Variants in H2BC5 observed in about 807,000 individuals in gnomAD.
H2BC5 encodes the protein histone H2B type 1-D.
A neutral mutation model predicts 5.7 loss-of-function variants in H2BC5; 9 were observed. That is an observed-to-expected ratio of 1.57 (90% CI 0.95 to 2.74). The LOEUF is 2.74. Ranked by LOEUF, H2BC5 falls within the 30% of genes most tolerant of loss-of-function variation. H2BC5 has a pLI of 0.00. For synonymous variants in H2BC5, 133 were observed against 70.9 expected, an observed-to-expected ratio of 1.88 and a Z score of -4.40; for missense variants, 175 against 168.8, an observed-to-expected ratio of 1.04 and a Z score of -0.20.
Position 26,158,583 on chromosome 6 carries a change from C to T in H2BC5, c.*33C>T, listed in dbSNP as rs756498250. The T allele has an allele frequency of 4.2e-5, 68 of 1,604,866 alleles. No homozygotes were observed. The highest frequency in any genetic ancestry group is 5.7e-5 in the Non-Finnish European group (67 of 1,176,294). The stretch of plus-strand genomic sequence containing the variant: ...AAGTAAGCATCTTTACACCTAATCC[C>T]AAAGGCTCTTTTAAGAGCCACGCAT... On this transcript the variant is annotated 3_prime_UTR_variant, in exon 1 of 1. Coordinates refer to ENST00000377777, the MANE Select transcript of H2BC5 (RefSeq NM_021063.4).
exon 2 of H2BC5, chr6:26,171,002 T>C (rs1372019644): frequency 6.6e-6 from 1 of 152,110 alleles, no homozygotes; most frequent in African/African-American, 2.4e-5. Context: ...AGAGGAGAAA[T>C]GAATGCATAA....
intron 1 of H2BC5, among the ~76,000 whole-genome samples, chr6:26,170,210 A>G (rs1764497312): frequency 6.6e-6 from 1 of 152,182 alleles, no homozygotes; most frequent in Non-Finnish European, 1.5e-5. Flanking sequence ...AACTTGCTGT[A>G]TGCATTCCTC....
At chr6:26,167,990 A>C (rs1300961261) in intron 1 of H2BC5, among the ~76,000 whole-genome samples, 2 of 150,568 alleles carry the variant, frequency 1.3e-5, no homozygotes, top group African/African-American at 4.9e-5. Context: ...TTAAAAGGAC[A>C]AAAAAAAAGC....
Position 26,158,377 on chromosome 6 carries a change from A to G in H2BC5, c.208A>G (p.Ile70Val), listed in dbSNP as rs768212529. ...MGIMNSFVNDIFERIAGEASR... is the reference protein window; with the variant it reads ...MGIMNSFVNDVFERIAGEASR... ...GATCATGAATTCCTTCGTCAACGAC[A>G]TCTTCGAGCGCATCGCAGGCGAGGC... The change falls in exon 1 of 1, where the codon ATC becomes GTC. Residue 70 changes from isoleucine (I) to valine (V), a missense_variant. Coordinates refer to ENST00000377777, the MANE Select transcript of H2BC5 (RefSeq NM_021063.4). 6.2e-7 allele frequency: 1 copy of G among 1,614,286 alleles called. No homozygotes were observed.
downstream of H2BC5, chr6:26,163,225 T>A (rs904350688): frequency 2.0e-5 from 3 of 151,964 alleles, no homozygotes; most frequent in African/African-American, 7.3e-5. Context: ...ACGATTCTCC[T>A]ACCTCAGCCT....
downstream of H2BC5, chr6:26,163,418 T>A (rs1764378316): frequency 1.3e-5 from 2 of 152,196 alleles, no homozygotes; most frequent in South Asian, 4.1e-4. Context: ...CCAAAACTAA[T>A]TTCTGTGAGT....
At chr6:26,170,907 A>G (rs1764506414) in intron 1 of H2BC5, 2 of 152,246 alleles carry the variant, frequency 1.3e-5, no homozygotes, top group South Asian at 2.1e-4. Context: ...TCCTCTTTGT[A>G]TAGAAAATAT....
chr6:26,158,816 G>C (rs1764291027), downstream of H2BC5, among the ~76,000 whole-genome samples: 1 of 152,164 alleles, frequency 6.6e-6, no homozygotes, highest in African/African-American at 2.4e-5. Context: ...AGCATAAACT[G>C]AAAGTATTGT....
At chr6:26,163,857 C>A (rs1367568396) in intron 1 of H2BC5, among the ~76,000 whole-genome samples, 1 of 152,124 alleles carries the variant, frequency 6.6e-6, no homozygotes, top group Non-Finnish European at 1.5e-5. Flanking sequence ...TAGCTTACTG[C>A]ACCTTGGAAC....
At position 26,158,481 on chromosome 6, in the gene H2BC5, G is replaced by A; in HGVS notation, c.312G>A (p.Pro104=). The A allele has an allele frequency of 6.2e-7, 1 of 1,614,198 alleles. No individual in the cohort carries two copies. Among genetic ancestry groups the A allele is most frequent in the Non-Finnish European group, 8.5e-7 (1 of 1,180,034 alleles). The change falls in exon 1 of 1, where the codon CCG becomes CCA. Residue 104 remains proline, a synonymous_variant. Transcript: ENST00000377777. ...AGACGGCCGTGCGCCTGCTGCTTCC[G>A]GGGGAGCTGGCCAAGCACGCCGTGT... The part of the protein sequence containing the change: ...EIQTAVRLLL[P]GELAKHAVSE...
At chr6:26,162,468 A>G (rs1425315802), downstream of H2BC5, among the ~76,000 whole-genome samples, 3 of 152,118 alleles carry the variant, frequency 2.0e-5, no homozygotes, top group African/African-American at 2.4e-5. Flanking sequence ...GATGATTTAT[A>G]ATTGCTTTTG....
downstream of H2BC5, among the ~76,000 whole-genome samples, chr6:26,162,146 G>C (rs1203569684): frequency 6.6e-6 from 1 of 152,146 alleles, no homozygotes; most frequent in Non-Finnish European, 1.5e-5. Flanking sequence ...ATTGACATAT[G>C]ACCTCACACT....
intron 1 of H2BC5, among the ~76,000 whole-genome samples, chr6:26,166,921 G>C (rs549195700): frequency 4.0e-4 from 60 of 151,518 alleles, no homozygotes; most frequent in African/African-American, 1.4e-3. Context: ...GGCTGGTCTC[G>C]AACTCCTGAC....
At position 26,158,239 on chromosome 6, in the gene H2BC5, A is replaced by G. The variant is rs749700797; in HGVS notation, c.70A>G (p.Lys24Glu). ...GSKKAVTKAQ[K>E]KDGKKRKRSR... ...CAAGAAGGCGGTGACTAAGGCTCAG[A>G]AGAAGGACGGGAAGAAGCGCAAGCG... is the stretch of plus-strand genomic sequence containing the variant. The change falls in exon 1 of 1, where the codon AAG (lysine) becomes GAG (glutamate). Residue 24 changes from lysine (K) to glutamate (E), a missense_variant. Around this residue, in one of 4 missense-constraint regions of H2BC5, gnomAD observed 119 missense variants for 85.6 expected, o/e 1.39. Coordinates refer to ENST00000377777, the MANE Select transcript of H2BC5 (RefSeq NM_021063.4). 5.6e-6 allele frequency: 9 copies of G among 1,614,104 alleles called. No individual in the cohort carries two copies. Among genetic ancestry groups the G allele is most frequent in the East Asian group, 2.2e-5 (1 of 44,904 alleles).
chr6:26,168,842 G>T (rs1764476313), intron 1 of H2BC5, among the ~76,000 whole-genome samples: 1 of 152,138 alleles, frequency 6.6e-6, no homozygotes. Context: ...TAAAAAATAT[G>T]CATTGAATGT....
chr6:26,158,764 G>A, downstream of H2BC5: 1 of 751,658 alleles, frequency 1.3e-6, no homozygotes, highest in Non-Finnish European at 2.1e-6. Context: ...AGTGCTATGG[G>A]TACGTATTAG....
At position 26,158,286 on chromosome 6, in the gene H2BC5, A is replaced by G. The variant is rs369320019; in HGVS notation, c.117A>G (p.Ser39=). ...AGCGCAGCCGCAAGGAGAGCTATTC[A>G]GTGTATGTGTACAAGGTGCTGAAGC... ...KRKRSRKESY[S]VYVYKVLKQV... Residue 39 remains serine (S), a synonymous_variant, in exon 1 of 1, where the codon TCA becomes TCG. Coordinates refer to ENST00000377777, the MANE Select transcript of H2BC5 (RefSeq NM_021063.4). 1.5e-5 allele frequency: 25 copies of G among 1,614,156 alleles called. No individual in the cohort carries two copies. The Admixed American group carries it at 4.0e-4, about 26-fold the overall frequency.
At chr6:26,168,244 A>T (rs1764464213) in intron 1 of H2BC5, among the ~76,000 whole-genome samples, 1 of 152,086 alleles carries the variant, frequency 6.6e-6, no homozygotes, top group African/African-American at 2.4e-5. Flanking sequence ...AGATCACCTG[A>T]GGTCGGGAGT....
At position 26,166,231 on chromosome 6, in the gene H2BC5, G is replaced by T. The variant is rs9357001; in HGVS notation, c.*10-4744G>T. 9.9e-5 allele frequency among the ~76,000 whole-genome samples: 15 copies of T among 152,284 alleles called. No individual in the cohort carries two copies. The East Asian group carries it at 2.5e-3, about 25-fold the overall frequency. On this transcript the variant is annotated intron_variant, in intron 1 of 1. Coordinates refer to the H2BC5 transcript ENST00000289316. Reference sequence around the variant, plus strand: ...TTACCTTGGCATCTCATTGCTTTTAGCCTGGGCCCTTCCTTGCCTTTGACC... The same window carrying T: ...TTACCTTGGCATCTCATTGCTTTTATCCTGGGCCCTTCCTTGCCTTTGACC...
Sources: allele counts gnomAD v4.1 joint callset (sites outside exome capture counted in the v4.1 genomes callset), GRCh38; gene constraint gnomAD v4.1.1; regional missense constraint gnomAD v4.1.1; transcripts MANE v1.5; gene names NCBI Gene and HGNC (gene_info 2026-07-23, HGNC 2026-07-21).